ZNF346: variants seen among roughly 807,000 people sequenced by gnomAD.
The protein encoded by ZNF346 is double-stranded RNA-binding zinc finger protein JAZ.
In ZNF346, 23 loss-of-function variants were observed where a neutral mutation model predicts 33.7. The ratio of observed to expected loss-of-function variants is 0.68; its 90% CI spans 0.49 to 0.97. The LOEUF (loss-of-function observed/expected upper bound fraction) is 0.97. Ranked by LOEUF, ZNF346 falls within the 50% of genes least tolerant of loss-of-function variation. The pLI is 0.00. For missense variants in ZNF346, 340 were observed against 371.1 expected (o/e 0.92, Z 0.69); for synonymous variants, 134 against 142.4 (o/e 0.94, Z 0.42).
At chr5:177,031,223 A>G (rs953576189) in intron 1 of ZNF346, among the ~76,000 whole-genome samples, 1 of 152,050 alleles carries the variant, frequency 6.6e-6, no homozygotes, top group Non-Finnish European at 1.5e-5. Flanking sequence ...TAGTAGAGAC[A>G]GGGTTTCTCC....
At chr5:177,070,537 G>A (rs538971777), downstream of ZNF346, among the ~76,000 whole-genome samples, 6 of 152,258 alleles carry the variant, frequency 3.9e-5, no homozygotes, top group South Asian at 2.1e-4. Context: ...CTCTGCCATC[G>A]CAAAGCTGCC....
downstream of ZNF346, among the ~76,000 whole-genome samples, chr5:177,070,604 G>A (rs1175366819): frequency 6.6e-6 from 1 of 152,108 alleles, no homozygotes; most frequent in Non-Finnish European, 1.5e-5. Context: ...TAAAAGAATA[G>A]GTGGATATGA....
intron 1 of ZNF346, among the ~76,000 whole-genome samples, chr5:177,030,896 G>T (rs1252476140): frequency 4.7e-5 from 7 of 148,168 alleles, no homozygotes; most frequent in Non-Finnish European, 8.9e-5. Context: ...GGCTTCTTTC[G>T]CTTAGTGTAA....
chr5:177,076,838 T>C (rs1489162174), intron 8 of ZNF346, among the ~76,000 whole-genome samples: 9 of 152,080 alleles, frequency 5.9e-5, no homozygotes, highest in African/African-American at 2.2e-4. Flanking sequence ...GTCAGGAGTT[T>C]GAGACCATCC....
intron 1 of ZNF346, among the ~76,000 whole-genome samples, chr5:177,029,887 G>A (rs760708779): frequency 4.6e-5 from 7 of 152,198 alleles, no homozygotes; most frequent in Non-Finnish European, 1.0e-4. Context: ...GGCATCAGAA[G>A]TAGGGCTCAG....
chr5:177,046,311 A>C (rs1780044802), intron 4 of ZNF346, among the ~76,000 whole-genome samples: 1 of 152,014 alleles, frequency 6.6e-6, no homozygotes, highest in Non-Finnish European at 1.5e-5. Flanking sequence ...AAAAAAAAAA[A>C]AAAAAAAACC....
intron 5 of ZNF346, among the ~76,000 whole-genome samples, chr5:177,053,197 T>G (rs1161948517): frequency 2.6e-5 from 4 of 151,010 alleles, no homozygotes; most frequent in Non-Finnish European, 5.9e-5. Context: ...ACGCCTATAG[T>G]CCCAGCTACT....
chr5:177,051,261 A>G (rs1213251678), intron 5 of ZNF346, among the ~76,000 whole-genome samples: 19 of 127,856 alleles, frequency 1.5e-4, no homozygotes, highest in Middle Eastern at 5.0e-3. Context: ...TGCAAGCTCC[A>G]CCTCCCAGGT....
chr5:177,050,987 G>A, intron 5 of ZNF346, 51 bp downstream of exon 5: 1 of 1,457,146 alleles, frequency 6.9e-7, no homozygotes, highest in South Asian at 1.1e-5. Context: ...TGGCCACTGG[G>A]GCTACCCGGA....
rs143069947 is a variant in ZNF346 at position 177,066,778 on chromosome 5, G to T, written c.*2179G>T. Among the ~76,000 whole-genome samples the T allele has an allele frequency of 2.4e-3, 369 of 151,892 alleles. 2 individuals carry two copies. The highest frequency in any genetic ancestry group is 8.4e-3 in the African/African-American group (346 of 41,420). On this transcript the variant is annotated 3_prime_UTR_variant, in exon 7 of 7. Transcript: ENST00000358149. ...AAAAATTATAAAAATAAATTTGAAG[G>T]CTGGGCGCCGTGGCTCACGCCTGTA... is the stretch of plus-strand genomic sequence containing the variant.
chr5:177,060,979 G>T (rs1217726288), intron 5 of ZNF346, among the ~76,000 whole-genome samples: 2 of 152,110 alleles, frequency 1.3e-5, no homozygotes, highest in Non-Finnish European at 2.9e-5. Context: ...AGGTGTGGTG[G>T]CAGGCGCCTG....
At chr5:177,051,010 G>A (rs1489942728) in intron 5 of ZNF346, 74 bp downstream of exon 5, 1 of 1,198,376 alleles carries the variant, frequency 8.3e-7, no homozygotes, top group East Asian at 2.3e-5. Flanking sequence ...AGCTGACGTT[G>A]TGCTTTTCCT....
In ZNF346 at chr5:177,067,407, G is replaced by C. The variant is rs1289031995; in HGVS notation, c.*2808G>C. Among the ~76,000 whole-genome samples, 1 of 152,138 alleles carries C rather than the reference G, an allele frequency of 6.6e-6. No homozygotes were observed. Among genetic ancestry groups the C allele is most frequent in the Non-Finnish European group, 1.5e-5 (1 of 68,028 alleles). On this transcript the variant is annotated 3_prime_UTR_variant, in exon 7 of 7. Coordinates refer to ENST00000358149, the MANE Select transcript of ZNF346 (RefSeq NM_012279.4). ...CCCTGCTCCTGGTCAGCTGTGAAAG[G>C]CTCTACACAGCCCCAAGGGAGGTTC... is the stretch of plus-strand genomic sequence containing the variant.
chr5:177,056,942 A>G (rs1227453658), intron 5 of ZNF346, among the ~76,000 whole-genome samples: 2 of 152,220 alleles, frequency 1.3e-5, no homozygotes, highest in African/African-American at 4.8e-5. Context: ...AAAAACAAGA[A>G]ATTATTACTG....
Position 177,049,840 on chromosome 5 carries a change from A to AT in ZNF346, c.518-898dup, listed in dbSNP as rs760700935. Among the ~76,000 whole-genome samples the AT allele has an allele frequency of 6.3e-3, 921 of 146,538 alleles. 4 individuals carry two copies. Among genetic ancestry groups the AT allele is most frequent in the African/African-American group, 0.011 (455 of 40,248 alleles). ...AATATATGTAGAAAACACATCACTA[A>AT]TTTTTTTTTTTTTGAGGTGGAGTTT... is the stretch of plus-strand genomic sequence containing the variant. On this transcript the variant is annotated intron_variant, in intron 4 of 6. Transcript: ENST00000358149.
chr5:177,046,929 A>AC (rs11454254), intron 4 of ZNF346, among the ~76,000 whole-genome samples: 21,329 of 152,008 alleles, frequency 0.14, 3,190 homozygotes, highest in African/African-American at 0.38. Flanking sequence ...CCTAAATCCT[A>AC]CACCAAGAGA....
chr5:177,058,543 A>G (rs1041651827), intron 5 of ZNF346, among the ~76,000 whole-genome samples: 70 of 152,312 alleles, frequency 4.6e-4, no homozygotes, highest in African/African-American at 1.6e-3. Flanking sequence ...ATAGGAATAT[A>G]TACATTATAA....
At chr5:177,032,491 A>G (rs144114377) in intron 1 of ZNF346, among the ~76,000 whole-genome samples, 1,560 of 151,054 alleles carry the variant, frequency 0.01, 9 homozygotes, top group Non-Finnish European at 0.016. Flanking sequence ...GTTCACTGCA[A>G]CCTCCACCTC....
chr5:177,062,025 G>C, intron 5 of ZNF346, 33 bp from the exon 6 acceptor site: 1 of 1,583,164 alleles, frequency 6.3e-7, no homozygotes, highest in Non-Finnish European at 8.7e-7. Context: ...CTTCTTTCTG[G>C]ATTACTAAGA....
Sources: gnomAD v4.1 joint callset for allele counts (sites outside exome capture counted in the v4.1 genomes callset) on GRCh38, gnomAD v4.1.1 for gene constraint, MANE v1.5 for transcripts, NCBI Gene and HGNC (gene_info 2026-07-23, HGNC 2026-07-21) for gene names.